Variants in DNAH10 observed in about 807,000 individuals in gnomAD.
DNAH10 encodes the protein axonemal beta dynein heavy chain 10.
DNAH10 carries 348 observed loss-of-function variants against 506.6 expected under a neutral mutation model. The observed-to-expected ratio is 0.69, with a 90% CI of 0.63 to 0.75. The LOEUF (loss-of-function observed/expected upper bound fraction) is 0.75. Among genes scored for constraint, DNAH10 ranks in the 30% least tolerant of loss-of-function variants. The pLI is 0.00. For missense variants in DNAH10, 5,179 were observed against 5,787.1 expected, an observed-to-expected ratio of 0.89 and a Z score of 3.41; for synonymous variants, 2,059 against 2,198.6, an observed-to-expected ratio of 0.94 and a Z score of 1.78.
intron 6 of DNAH10, 26 bp from the exon 7 acceptor site, chr12:123,783,081 C>G: frequency 6.2e-7 from 1 of 1,611,088 alleles, no homozygotes; most frequent in South Asian, 1.1e-5. Flanking sequence ...GAACGAATGA[C>G]TGACTGATCA....
rs761767900 is a variant in DNAH10 at position 123,830,714 on chromosome 12, A to G, written c.4545+15A>G. On this transcript the variant is annotated intron_variant, in intron 26 of 78. Transcript: ENST00000673944. ...CCATTGAGAAGGTAAGACTTCAGTTAAAAACAGGCTGGAGAAAACAGTCTT... is the reference window on the plus strand; with the variant it reads ...CCATTGAGAAGGTAAGACTTCAGTTGAAAACAGGCTGGAGAAAACAGTCTT... 5 of 1,596,746 alleles carry G rather than the reference A, an allele frequency of 3.1e-6. No individual in the cohort carries two copies. The highest frequency in any genetic ancestry group is 4.3e-6 in the Non-Finnish European group (5 of 1,171,924).
chr12:123,784,373 CCT>C (rs1957773757), intron 8 of DNAH10, among the ~76,000 whole-genome samples, 196 bp downstream of exon 8: 1 of 152,060 alleles, frequency 6.6e-6, no homozygotes, highest in African/African-American at 2.4e-5. Flanking sequence ...ATGGTAAAAC[CCT>C]GTCTCTCCAA....
chr12:123,819,620 T>A (rs1488016734), intron 23 of DNAH10, among the ~76,000 whole-genome samples: 1 of 152,100 alleles, frequency 6.6e-6, no homozygotes, highest in African/African-American at 2.4e-5. Flanking sequence ...TTACATTTAT[T>A]CTTTGGATTC....
Position 123,931,337 on chromosome 12 carries a change from G to A in DNAH10, c.12785-4G>A. On this transcript the variant is annotated splice_polypyrimidine_tract_variant and splice_region_variant and intron_variant, in intron 73 of 78. Coordinates refer to ENST00000673944, the MANE Select transcript of DNAH10 (RefSeq NM_001372106.1). Reference sequence around the variant, plus strand: ...GCCACCTCCGTTGTTCTCTGTGATTGCAGAAGCCATCGAGGCCCTCCCGCT... The same window carrying A: ...GCCACCTCCGTTGTTCTCTGTGATTACAGAAGCCATCGAGGCCCTCCCGCT... The A allele has an allele frequency of 6.2e-7, 1 of 1,613,318 alleles. No homozygotes were observed. Among genetic ancestry groups the A allele is most frequent in the Non-Finnish European group, 8.5e-7 (1 of 1,179,840 alleles).
intron 19 of DNAH10, among the ~76,000 whole-genome samples, chr12:123,811,141 T>C (rs1958915704): frequency 6.6e-6 from 1 of 152,188 alleles, no homozygotes; most frequent in African/African-American, 2.4e-5. Flanking sequence ...TGGCAAAAAA[T>C]AATGAGCCAA....
intron 59 of DNAH10, among the ~76,000 whole-genome samples, 191 bp downstream of exon 59, chr12:123,910,863 G>C: frequency 6.6e-6 from 1 of 151,644 alleles, no homozygotes; most frequent in Middle Eastern, 3.2e-3. Flanking sequence ...GTGGGTGGTG[G>C]ACAAGACCGA....
Position 123,766,532 on chromosome 12 carries a change from C to A in DNAH10, c.215-1074C>A, listed in dbSNP as rs987096925. On this transcript the variant is annotated intron_variant, in intron 1 of 78. Coordinates refer to ENST00000673944, the MANE Select transcript of DNAH10 (RefSeq NM_001372106.1). ...TGATAGATTTAAATACATAGATGTA[C>A]CACATTCTACTCATCCATTCTCTAA... Among the ~76,000 whole-genome samples, 9 of 152,132 alleles carry A rather than the reference C, an allele frequency of 5.9e-5. 1 individual carries two copies. The highest frequency in any genetic ancestry group is 2.2e-4 in the African/African-American group (9 of 41,418).
At chr12:123,883,851 T>C (rs1003974423) in intron 51 of DNAH10, among the ~76,000 whole-genome samples, 27 of 152,184 alleles carry the variant, frequency 1.8e-4, no homozygotes, top group African/African-American at 6.0e-4. Flanking sequence ...ACTGAAGTTT[T>C]GTCCGTGCCT....
chr12:123,836,176 A>G (rs1391910562), intron 28 of DNAH10, among the ~76,000 whole-genome samples: 7 of 152,196 alleles, frequency 4.6e-5, no homozygotes, highest in African/African-American at 1.7e-4. Context: ...TCCTATGTGT[A>G]TAAGTTTAAA....
At chr12:123,809,805 T>C (rs1272672871) in intron 19 of DNAH10, among the ~76,000 whole-genome samples, 1 of 152,182 alleles carries the variant, frequency 6.6e-6, no homozygotes, top group South Asian at 2.1e-4. Context: ...CCTGGCTGCC[T>C]TTCTGATCTC....
chr12:123,929,989 C>A, intron 72 of DNAH10: 1 of 600,886 alleles, frequency 1.7e-6, no homozygotes, highest in Non-Finnish European at 2.9e-6. Context: ...CCAGGCAAGG[C>A]ATCCTCTAGC....
In DNAH10 at chr12:123,820,559, A is replaced by G. The variant is rs770767276; in HGVS notation, c.4001-21A>G. 4.4e-6 allele frequency: 7 copies of G among 1,607,928 alleles called. No individual in the cohort carries two copies. In the East Asian group the frequency reaches 1.1e-4, roughly 26 times the overall value. ...ACCTTAAAATTGTATTTATTCACTC[A>G]TCGGTGTATTTATTTACTAGGAGTA... On this transcript the variant is annotated intron_variant, in intron 23 of 78. Coordinates refer to ENST00000673944, the MANE Select transcript of DNAH10 (RefSeq NM_001372106.1).
intron 10 of DNAH10, 46 bp downstream of exon 10, chr12:123,788,048 G>T (rs1319262763): frequency 6.5e-6 from 10 of 1,549,430 alleles, no homozygotes; most frequent in African/African-American, 1.4e-5. Context: ...GAAGAAGGCA[G>T]TTGGCTTTTG....
chr12:123,799,241 G>C lies in DNAH10; in HGVS notation c.2164-5G>C, dbSNP rs766553590. ...AAAATGACGGTTGCTTGAATTCTTTGATAGGTCAAACAAAAATATTTGGAA... is the reference window on the plus strand; with the variant it reads ...AAAATGACGGTTGCTTGAATTCTTTCATAGGTCAAACAAAAATATTTGGAA... On this transcript the variant is annotated splice_region_variant and splice_polypyrimidine_tract_variant and intron_variant, in intron 13 of 78. Transcript: ENST00000673944. 2 of 1,603,462 alleles carry C rather than the reference G, an allele frequency of 1.2e-6. No individual in the cohort carries two copies. Among genetic ancestry groups the C allele is most frequent in the Non-Finnish European group, 1.7e-6 (2 of 1,173,202 alleles).
intron 19 of DNAH10, among the ~76,000 whole-genome samples, chr12:123,811,601 T>C (rs371076688): frequency 2.6e-5 from 4 of 151,230 alleles, no homozygotes; most frequent in South Asian, 2.1e-4. Flanking sequence ...TCCGGGTTCA[T>C]GCCATTCTCC....
chr12:123,913,287 A>C lies in DNAH10; in HGVS notation c.10324A>C (p.Ile3442Leu). Residue 3442 changes from isoleucine to leucine, a missense_variant, in exon 60 of 79, where the codon ATC (isoleucine) becomes CTC (leucine). Ile to Leu is a conservative substitution (Grantham distance 5). Transcript: ENST00000673944. The surrounding 1 kb of genome is among the most constrained non-coding windows in gnomAD (Gnocchi z 5.1). ...ERRLIAADKLISGLGSENIRW... is the reference protein window; with the variant it reads ...ERRLIAADKLLSGLGSENIRW... The stretch of plus-strand genomic sequence containing the variant: ...GCGGCTGATTGCCGCAGACAAACTC[A>C]TCTCGGGTCTGGGGTCAGAAAACAT... 6.2e-7 allele frequency: 1 copy of C among 1,603,780 alleles called. No individual in the cohort carries two copies. Among genetic ancestry groups the C allele is most frequent in the Non-Finnish European group, 8.5e-7 (1 of 1,175,692 alleles).
At chr12:123,782,411 CTTTTT>C (rs935250437) in intron 6 of DNAH10, among the ~76,000 whole-genome samples, 2 of 86,048 alleles carry the variant, frequency 2.3e-5, no homozygotes, top group African/African-American at 5.2e-5. Flanking sequence ...TTCTTTCTTT[CTTTTT>C]TTTTTTTTTT....
chr12:123,824,026 T>C (rs1371234067), intron 24 of DNAH10, among the ~76,000 whole-genome samples: 1 of 152,188 alleles, frequency 6.6e-6, no homozygotes, highest in Non-Finnish European at 1.5e-5. Flanking sequence ...TTCAAAGTTG[T>C]GTGCTGAGAA....
intron 76 of DNAH10, among the ~76,000 whole-genome samples, chr12:123,933,114 T>C (rs921269837): frequency 6.6e-6 from 1 of 152,240 alleles, no homozygotes; most frequent in Non-Finnish European, 1.5e-5. Context: ...CCCAGTACTT[T>C]TGTGGTTTTA....
Sources: allele counts gnomAD v4.1 joint callset (sites outside exome capture counted in the v4.1 genomes callset), GRCh38; gene constraint gnomAD v4.1.1; non-coding constraint Gnocchi (gnomAD v3.1); transcripts MANE v1.5; gene names NCBI Gene and HGNC (gene_info 2026-07-23, HGNC 2026-07-21).